GREM2: variants seen among roughly 807,000 people sequenced by gnomAD.
GREM2 encodes the protein gremlin 2, DAN family BMP antagonist.
Under a neutral mutation model 14.2 loss-of-function variants are expected in GREM2, and 11 were observed. That is an observed-to-expected ratio of 0.78 (90% confidence interval 0.49 to 1.28). GREM2 has a LOEUF of 1.28. Among genes scored for constraint, GREM2 ranks in the 50% most tolerant of loss-of-function variants. GREM2 has a pLI of 0.00. For missense variants in GREM2, 210 were observed against 218.5 expected (o/e 0.96, Z 0.24); for synonymous variants, 98 against 97.6 (o/e 1.00, Z -0.02).
intron 1 of GREM2, chr1:240,590,852 C>T (rs1393030474): frequency 2.0e-5 from 3 of 151,518 alleles, no homozygotes; most frequent in South Asian, 2.1e-4. Flanking sequence ...GTGGGGCGAT[C>T]TCGGCTCACT....
chr1:240,602,460 T>C (rs919863859), intron 1 of GREM2, among the ~76,000 whole-genome samples: 4 of 152,200 alleles, frequency 2.6e-5, no homozygotes, highest in Non-Finnish European at 5.9e-5. Flanking sequence ...ACACTAAGCA[T>C]TGTGATTCTC....
In GREM2 at chr1:240,601,994, C is replaced by T. The variant is rs1419125515; in HGVS notation, c.-2+9890G>A. On this transcript the variant is annotated intron_variant, in intron 1 of 1. Transcript: ENST00000318160. Reference sequence around the variant, plus strand: ...GTGCTCAATAAATCCTCTCTTGCCCCCCTGCCTACTTTTCCTTTCAGCAAA... The same window carrying T: ...GTGCTCAATAAATCCTCTCTTGCCCTCCTGCCTACTTTTCCTTTCAGCAAA... 2.6e-5 allele frequency among the ~76,000 whole-genome samples: 4 copies of T among 152,108 alleles called. No individual in the cohort carries two copies. The East Asian group carries it at 7.7e-4, about 29-fold the overall frequency.
In GREM2 at chr1:240,513,468, G is replaced by A. The variant is rs111507804; in HGVS notation, c.-1-19992C>T. On this transcript the variant is annotated intron_variant, in intron 1 of 1. Coordinates refer to ENST00000318160, the MANE Select transcript of GREM2 (RefSeq NM_022469.4). ...CATGCGACTGTAGTCCCAGCTACTC[G>A]GGAGGCTGAGGCAAGAGAATCGCTT... Among the ~76,000 whole-genome samples the A allele has an allele frequency of 7.6e-3, 1,148 of 151,782 alleles. 14 individuals carry two copies. Among genetic ancestry groups the A allele is most frequent in the African/African-American group, 0.026 (1,084 of 41,384 alleles).
chr1:240,554,304 G>A (rs983646660), intron 1 of GREM2, among the ~76,000 whole-genome samples: 2 of 151,582 alleles, frequency 1.3e-5, no homozygotes, highest in Non-Finnish European at 2.9e-5. Context: ...CCAGCTACTC[G>A]GGAGGCTGAG....
chr1:240,583,122 C>T (rs1294787095), intron 1 of GREM2, among the ~76,000 whole-genome samples: 2 of 152,134 alleles, frequency 1.3e-5, no homozygotes, highest in Admixed American at 6.6e-5. Context: ...TCTGTCTGCA[C>T]AGTGCCTTGT....
At position 240,543,483 on chromosome 1, in the gene GREM2, A is replaced by G. The variant is rs899859037; in HGVS notation, c.-1-50007T>C. Among the ~76,000 whole-genome samples the G allele has an allele frequency of 2.6e-5, 4 of 152,124 alleles. No homozygotes were observed. Among genetic ancestry groups the G allele is most frequent in the African/African-American group, 4.8e-5 (2 of 41,438 alleles). Reference sequence around the variant, plus strand: ...GATCTGGTGAGACTTATTCACTACCATGATAACAGTAGGGGGGAAACCGCC... The same window carrying G: ...GATCTGGTGAGACTTATTCACTACCGTGATAACAGTAGGGGGGAAACCGCC... On this transcript the variant is annotated intron_variant, in intron 1 of 1. Transcript: ENST00000318160. The surrounding 1 kb of genome is among the most constrained non-coding windows in gnomAD (Gnocchi z 6.4).
intron 1 of GREM2, among the ~76,000 whole-genome samples, chr1:240,510,518 G>A (rs1200918513): frequency 2.0e-5 from 3 of 151,998 alleles, no homozygotes; most frequent in Admixed American, 6.6e-5. Context: ...TCTTGTGGGG[G>A]CAATAAAAAT....
intron 1 of GREM2, among the ~76,000 whole-genome samples, chr1:240,497,640 A>AG (rs1224947293): frequency 6.8e-6 from 1 of 147,398 alleles, no homozygotes; most frequent in Admixed American, 6.7e-5. Flanking sequence ...AGCAGAAAGG[A>AG]GAAAAAAAAA....
Position 240,492,688 on chromosome 1 carries a change from G to C in GREM2, c.*281C>G, listed in dbSNP as rs1035757953. The C allele has an allele frequency of 3.8e-6, 1 of 263,360 alleles. No homozygotes were observed. Among genetic ancestry groups the C allele is most frequent in the East Asian group, 7.1e-5 (1 of 14,032 alleles). 16.3% of individuals were successfully genotyped at this position (263,360 alleles called of 1,614,324 possible). The stretch of plus-strand genomic sequence containing the variant: ...CTCGAAAGGTCCTCTCTGACTGCTG[G>C]GTGGCGGTGGTGGTTTTCCAGCATT... On this transcript the variant is annotated 3_prime_UTR_variant, in exon 2 of 2. Coordinates refer to ENST00000318160, the MANE Select transcript of GREM2 (RefSeq NM_022469.4).
chr1:240,582,921 T>C (rs1379717237), intron 1 of GREM2, among the ~76,000 whole-genome samples: 1 of 152,218 alleles, frequency 6.6e-6, no homozygotes, highest in Non-Finnish European at 1.5e-5. Flanking sequence ...AATTTACTTC[T>C]CAGAAAACTA....
chr1:240,610,090 C>G (rs1186325879), intron 1 of GREM2, among the ~76,000 whole-genome samples: 1 of 152,120 alleles, frequency 6.6e-6, no homozygotes, highest in Non-Finnish European at 1.5e-5. Flanking sequence ...CACAAAGTTG[C>G]TACCAACACA....
chr1:240,571,597 G>A (rs1256385483), intron 1 of GREM2, among the ~76,000 whole-genome samples: 1 of 151,950 alleles, frequency 6.6e-6, no homozygotes, highest in Non-Finnish European at 1.5e-5. Context: ...TCAGGAGGCT[G>A]AGGCAGGAGA....
intron 1 of GREM2, among the ~76,000 whole-genome samples, chr1:240,523,637 C>A (rs1249342107): frequency 6.6e-6 from 1 of 151,832 alleles, no homozygotes; most frequent in East Asian, 1.9e-4. Context: ...TATTGATGAT[C>A]CTTTAGTTTT....
At chr1:240,501,225 T>C (rs1677563341) in intron 1 of GREM2, among the ~76,000 whole-genome samples, 1 of 152,154 alleles carries the variant, frequency 6.6e-6, no homozygotes, top group Non-Finnish European at 1.5e-5. Context: ...TTCTGAACTG[T>C]CATGGAAATA....
Position 240,558,085 on chromosome 1 carries a change from G to A in GREM2, c.-2+53799C>T, listed in dbSNP as rs370856060. On this transcript the variant is annotated intron_variant, in intron 1 of 1. Coordinates refer to ENST00000318160, the MANE Select transcript of GREM2 (RefSeq NM_022469.4). ...GAAATGTTGGTTTGGGGAGAATGAG[G>A]AAATGAGGAGTGTTTGGACAAGGAG... Among the ~76,000 whole-genome samples, 136 of 152,212 alleles carry A rather than the reference G, an allele frequency of 8.9e-4. 1 individual carries two copies. Among genetic ancestry groups the A allele is most frequent in the African/African-American group, 3.1e-3 (128 of 41,542 alleles).
At chr1:240,551,843 G>A (rs911063381) in intron 1 of GREM2, among the ~76,000 whole-genome samples, 2 of 152,064 alleles carry the variant, frequency 1.3e-5, no homozygotes, top group Admixed American at 1.3e-4. Context: ...AAGGGAGGAG[G>A]AACCTCAGAA....
chr1:240,554,286 C>T (rs917483877), intron 1 of GREM2, among the ~76,000 whole-genome samples: 4 of 151,628 alleles, frequency 2.6e-5, no homozygotes, highest in East Asian at 1.9e-4. Flanking sequence ...TAGCGGGAGC[C>T]GGTAATCCCA....
intron 1 of GREM2, among the ~76,000 whole-genome samples, chr1:240,601,649 G>A (rs192519177): frequency 1.9e-3 from 290 of 152,304 alleles, no homozygotes; most frequent in African/African-American, 6.8e-3. Context: ...GCTCACACCT[G>A]TAATCCCAGC....
At chr1:240,591,309 G>A (rs72752877) in intron 1 of GREM2, among the ~76,000 whole-genome samples, 6,930 of 152,252 alleles carry the variant, frequency 0.046, 229 homozygotes, top group Middle Eastern at 0.088. Flanking sequence ...CTGACAGAGC[G>A]ACTAACACGT....
Sources: allele counts gnomAD v4.1 joint callset (sites outside exome capture counted in the v4.1 genomes callset), GRCh38; gene constraint gnomAD v4.1.1; non-coding constraint Gnocchi (gnomAD v3.1); transcripts MANE v1.5; gene names NCBI Gene and HGNC (gene_info 2026-07-23, HGNC 2026-07-21).